KANSL1: variants seen among roughly 807,000 people sequenced by gnomAD.
KANSL1 encodes KAT8 regulatory NSL complex subunit 1.
In KANSL1, 22 loss-of-function variants were observed where a neutral mutation model predicts 103.6. The ratio of observed to expected loss-of-function variants is 0.21; its 90% CI spans 0.15 to 0.30. KANSL1 has a LOEUF of 0.30. Ranked by LOEUF, KANSL1 falls within the 10% of genes least tolerant of loss-of-function variation. The pLI, the probability that KANSL1 is intolerant of heterozygous loss-of-function variation, is 1.00. For synonymous variants in KANSL1, 600 were observed against 527.6 expected (o/e 1.14, Z -1.88); for missense variants, 1,337 against 1,399.8 (o/e 0.96, Z 0.72).
intron 2 of KANSL1, among the ~76,000 whole-genome samples, chr17:46,118,227 C>T (rs35018866): frequency 0.95 from 144,231 of 152,330 alleles, 68,288 homozygotes; most frequent in East Asian, 1. Context: ...GGGTTTTCTT[C>T]GGCCTTCACA....
intron 6 of KANSL1, among the ~76,000 whole-genome samples, chr17:46,065,304 G>A (rs2078337642): frequency 6.6e-6 from 1 of 152,084 alleles, no homozygotes; most frequent in African/African-American, 2.4e-5. Context: ...ACACACTGCA[G>A]AGTTCATTTA....
intron 2 of KANSL1, among the ~76,000 whole-genome samples, chr17:46,109,385 TACTA>T (rs1307703340): frequency 6.6e-6 from 1 of 152,196 alleles, no homozygotes; most frequent in Admixed American, 6.5e-5. Flanking sequence ...GCAAACCACT[TACTA>T]ACAGAATCGT....
intron 2 of KANSL1, among the ~76,000 whole-genome samples, chr17:46,132,308 G>T (rs1261239336): frequency 6.6e-6 from 1 of 152,124 alleles, no homozygotes; most frequent in African/African-American, 2.4e-5. Flanking sequence ...ATTACCATGA[G>T]AACCAAATGA....
intron 6 of KANSL1, among the ~76,000 whole-genome samples, 158 bp from the exon 7 acceptor site, chr17:46,050,862 T>G (rs920618982): frequency 6.6e-6 from 1 of 152,238 alleles, no homozygotes; most frequent in Non-Finnish European, 1.5e-5. Flanking sequence ...GATGTTTGAT[T>G]AGTTTGTTAA....
chr17:46,062,091 C>CAAAAAAAAAAA (rs35638067), intron 6 of KANSL1, among the ~76,000 whole-genome samples: 2 of 70,076 alleles, frequency 2.9e-5, no homozygotes, highest in Non-Finnish European at 4.8e-5. Context: ...GACTCCGACT[C>CAAAAAAAAAAA]AAAAAAAAAA....
At chr17:46,207,990 A>T (rs1195142226) in intron 1 of KANSL1, among the ~76,000 whole-genome samples, 3 of 152,166 alleles carry the variant, frequency 2.0e-5, no homozygotes, top group Admixed American at 2.0e-4. Context: ...AGGCGCCTGT[A>T]ATACCAGCTA....
intron 1 of KANSL1, among the ~76,000 whole-genome samples, chr17:46,190,014 AACC>A (rs1356869610): frequency 6.6e-6 from 1 of 152,194 alleles, no homozygotes; most frequent in African/African-American, 2.4e-5. Flanking sequence ...CTTCTCAAAC[AACC>A]ACAACACCCC....
At chr17:46,103,857 C>G (rs1488543654) in intron 2 of KANSL1, among the ~76,000 whole-genome samples, 1 of 152,162 alleles carries the variant, frequency 6.6e-6, no homozygotes, top group Admixed American at 6.5e-5. Flanking sequence ...GAAACACTGT[C>G]TCTACTAAAA....
chr17:46,121,434 A>G (rs1412048854), intron 2 of KANSL1: 1 of 152,312 alleles, frequency 6.6e-6, no homozygotes, highest in Non-Finnish European at 1.5e-5. Context: ...TCTGTCCTTA[A>G]AGTTTTGGCA....
At chr17:46,091,174 ATG>A (rs2079373309) in intron 3 of KANSL1, among the ~76,000 whole-genome samples, 1 of 152,202 alleles carries the variant, frequency 6.6e-6, no homozygotes, top group Non-Finnish European at 1.5e-5. Context: ...GCCTACGTTC[ATG>A]TGTGTGTTTG....
intron 1 of KANSL1, among the ~76,000 whole-genome samples, chr17:46,179,508 T>A (rs112747768): frequency 6.6e-6 from 1 of 152,222 alleles, no homozygotes; most frequent in Non-Finnish European, 1.5e-5. Flanking sequence ...GAAGAAAAGT[T>A]TGCCCATAAT....
intron 2 of KANSL1, among the ~76,000 whole-genome samples, chr17:46,125,061 G>GGGTGGGA (rs2043473758): frequency 1.8e-5 from 1 of 54,748 alleles, no homozygotes; most frequent in African/African-American, 6.9e-5. Flanking sequence ...GGAGGGAGGA[G>GGGTGGGA]GGAGGGAGGA....
intron 2 of KANSL1, among the ~76,000 whole-genome samples, chr17:46,136,428 T>C (rs2044147892): frequency 6.6e-6 from 1 of 152,218 alleles, no homozygotes; most frequent in Non-Finnish European, 1.5e-5. Flanking sequence ...AGACGGACCA[T>C]ATCGTTACCC....
At chr17:46,162,813 G>T (rs1453925382) in intron 2 of KANSL1, among the ~76,000 whole-genome samples, 3 of 152,162 alleles carry the variant, frequency 2.0e-5, no homozygotes, top group Non-Finnish European at 2.9e-5. Context: ...TGTATGATCT[G>T]GCAACTAGCT....
chr17:46,031,984 G>A, intron 14 of KANSL1, 63 bp downstream of exon 14: 1 of 1,608,934 alleles, frequency 6.2e-7, no homozygotes, highest in Non-Finnish European at 8.5e-7. Flanking sequence ...TTCAGCAGAT[G>A]CTGCCCCTTC....
chr17:46,039,132 C>T lies in KANSL1; in HGVS notation c.2287G>A (p.Val763Met), dbSNP rs781594360. Residue 763 changes from valine to methionine, a missense_variant, in exon 9 of 15, where the codon GTG (valine) becomes ATG (methionine). Physicochemically the swap from Val to Met is conservative, Grantham distance 21 (BLOSUM62 1). This residue lies in a region of KANSL1 where 780 missense variants were observed against 923.4 expected (regional missense o/e 0.84). Transcript: ENST00000432791. ...AAGCGCTCTGCTTTTGGCGCTGTCACTCGCTCCACCATGGGCACGGCCCCC... is the reference window on the plus strand; with the variant it reads ...AAGCGCTCTGCTTTTGGCGCTGTCATTCGCTCCACCATGGGCACGGCCCCC... ...DVGAVPMVERVTAPKAERLLN... is the reference protein window; with the variant it reads ...DVGAVPMVERMTAPKAERLLN... 1 of 1,612,532 alleles carries T rather than the reference C, an allele frequency of 6.2e-7. No individual in the cohort carries two copies. The highest frequency in any genetic ancestry group is 1.1e-5 in the South Asian group (1 of 90,924).
chr17:46,099,248 C>T (rs1466319836), intron 2 of KANSL1, among the ~76,000 whole-genome samples: 5 of 122,528 alleles, frequency 4.1e-5, no homozygotes, highest in Admixed American at 2.7e-4. Context: ...GGCGTGAACC[C>T]GGAAGGCGGA....
intron 6 of KANSL1, among the ~76,000 whole-genome samples, chr17:46,054,269 G>A (rs1179019400): frequency 6.6e-6 from 1 of 152,170 alleles, no homozygotes; most frequent in Non-Finnish European, 1.5e-5. Context: ...GGCCAGGCTG[G>A]TCTCAAACTC....
At chr17:46,078,243 T>C (rs965378485) in intron 4 of KANSL1, among the ~76,000 whole-genome samples, 1 of 152,242 alleles carries the variant, frequency 6.6e-6, no homozygotes, top group Non-Finnish European at 1.5e-5. Flanking sequence ...TGAGCCTTTA[T>C]TGGTTTCAAT....
Sources: gnomAD v4.1 joint callset for allele counts (sites outside exome capture counted in the v4.1 genomes callset) on GRCh38, gnomAD v4.1.1 for gene constraint, gnomAD v4.1.1 regional missense constraint, MANE v1.5 for transcripts, NCBI Gene and HGNC (gene_info 2026-07-23, HGNC 2026-07-21) for gene names.